The following XRRA1 variants were observed in gnomAD, a reference collection of about 807,000 sequenced individuals.
XRRA1 encodes X-ray radiation resistance-associated protein 1.
A neutral mutation model predicts 80.2 loss-of-function variants in XRRA1; 69 were observed. The ratio of observed to expected loss-of-function variants is 0.86; its 90% CI spans 0.71 to 1.05. The LOEUF (loss-of-function observed/expected upper bound fraction) is 1.05, where lower values mean the gene tolerates loss of function less well. XRRA1 is among the 50% of genes least tolerant of loss of function. The pLI, the probability that XRRA1 is intolerant of heterozygous loss-of-function variation, is 0.00. For synonymous variants in XRRA1, 348 were observed against 389.9 expected (o/e 0.89, Z 1.27); for missense variants, 967 against 976.4 (o/e 0.99, Z 0.13).
At chr11:74,848,569 G>A (rs553636748) in intron 14 of XRRA1, 107 bp from the exon 15 acceptor site, 203 of 980,066 alleles carry the variant, frequency 2.1e-4, no homozygotes, top group African/African-American at 1.9e-3. Flanking sequence ...TGCTGGGTAC[G>A]GACTGAGGCG....
chr11:74,939,837 G>C (rs908390173), intron 3 of XRRA1, among the ~76,000 whole-genome samples: 1 of 128,410 alleles, frequency 7.8e-6, no homozygotes, highest in Non-Finnish European at 1.8e-5. Flanking sequence ...GTGTGAGAGA[G>C]TGACATAGAG....
chr11:74,851,903 G>A (rs920589063), intron 13 of XRRA1, 86 bp downstream of exon 13: 2 of 1,134,658 alleles, frequency 1.8e-6, no homozygotes, highest in Non-Finnish European at 2.7e-6. Context: ...AGATCCCAGG[G>A]CTTGGCATTG....
chr11:74,863,223 TAAAATAC>T (rs2042685665), intron 10 of XRRA1: 2 of 620,970 alleles, frequency 3.2e-6, no homozygotes, highest in Admixed American at 5.4e-5. Context: ...GCACTTAGGA[TAAAATAC>T]AAACTGCTTA....
chr11:74,928,058 G>A (rs139002260), intron 6 of XRRA1, among the ~76,000 whole-genome samples: 1 of 152,262 alleles, frequency 6.6e-6, no homozygotes, highest in Non-Finnish European at 1.5e-5. Flanking sequence ...TATGCCTAAT[G>A]TCTTCTGATG....
chr11:74,893,562 AAAAT>A (rs1379630392), intron 10 of XRRA1, among the ~76,000 whole-genome samples: 6 of 152,074 alleles, frequency 3.9e-5, no homozygotes, highest in African/African-American at 7.2e-5. Context: ...ATAAAAAATA[AAAAT>A]AAATAAAAAA....
chr11:74,921,337 A>C lies in XRRA1; in HGVS notation c.533T>G (p.Leu178Arg). The change falls in exon 8 of 19, where the codon CTT becomes CGT. Residue 178 changes from leucine to arginine, a missense_variant. Leu to Arg is a moderately radical substitution (Grantham distance 102). Transcript: ENST00000684022. Reference sequence around the variant, plus strand: ...CTCCACAGTCAGGCTGTTGAAGGAAAGGTCCAAGAACTGCCATGCAAAGAT... The same window carrying C: ...CTCCACAGTCAGGCTGTTGAAGGAACGGTCCAAGAACTGCCATGCAAAGAT... ...GDFKLLEFLD[L>R]SFNSLTVEAI... 2 of 1,613,956 alleles carry C rather than the reference A, an allele frequency of 1.2e-6. No homozygotes were observed. Among genetic ancestry groups the C allele is most frequent in the Non-Finnish European group, 1.7e-6 (2 of 1,179,858 alleles).
In XRRA1 at chr11:74,844,959, G is replaced by A. The variant is rs372115179; in HGVS notation, c.1927+114C>T. The A allele has an allele frequency of 1.7e-5, 18 of 1,043,346 alleles. No homozygotes were observed. In the African/African-American group the frequency reaches 2.7e-4, roughly 16 times the overall value. 64.6% of individuals were successfully genotyped at this position (1,043,346 alleles called of 1,614,324 possible). A position where few individuals can be genotyped will look rare whatever the true frequency, so the allele number is the denominator to read the frequency against. The stretch of plus-strand genomic sequence containing the variant: ...CCCTTTGACAGGTATTTAGACAGAG[G>A]ACAGCACCCTAGTTGGGAAAAGACA... On this transcript the variant is annotated intron_variant, in intron 16 of 18. Coordinates refer to ENST00000684022, the MANE Select transcript of XRRA1 (RefSeq NM_001378157.1).
chr11:74,865,543 C>T (rs1303785990), intron 10 of XRRA1, among the ~76,000 whole-genome samples: 2 of 152,062 alleles, frequency 1.3e-5, no homozygotes, highest in Non-Finnish European at 2.9e-5. Flanking sequence ...CAGCCTCCAT[C>T]CCACGGCAGA....
chr11:74,856,149 A>C (rs1157291566), intron 12 of XRRA1, among the ~76,000 whole-genome samples: 1 of 152,190 alleles, frequency 6.6e-6, no homozygotes, highest in Non-Finnish European at 1.5e-5. Context: ...ACAACAACAA[A>C]AATCATTCAT....
intron 2 of XRRA1, among the ~76,000 whole-genome samples, 197 bp from the exon 3 acceptor site, chr11:74,941,079 G>A (rs1467271246): frequency 6.6e-6 from 1 of 152,122 alleles, no homozygotes; most frequent in African/African-American, 2.4e-5. Context: ...AAGACCCTGG[G>A]TTTTTCAGTT....
intron 6 of XRRA1, among the ~76,000 whole-genome samples, 199 bp from the exon 7 acceptor site, chr11:74,927,687 C>A (rs1288993279): frequency 1.3e-5 from 2 of 152,112 alleles, no homozygotes; most frequent in Non-Finnish European, 2.9e-5. Context: ...TAAGGCTCAG[C>A]CAAGCTAAGT....
At chr11:74,872,171 A>G (rs1341916484) in intron 10 of XRRA1, among the ~76,000 whole-genome samples, 1 of 152,156 alleles carries the variant, frequency 6.6e-6, no homozygotes, top group African/African-American at 2.4e-5. Flanking sequence ...GGAGAGCCAA[A>G]CCTCTTCATT....
rs1315290513 is a variant in XRRA1, at chr11:74,848,478, G to C, written c.1381-16C>G. ...CGCTTTTCACCTGTCATGGAGAAGG[G>C]CCAGAATGAATTTGCTTCCTAATTA... On this transcript the variant is annotated splice_polypyrimidine_tract_variant and intron_variant, in intron 14 of 18. Transcript: ENST00000684022. 6.3e-7 allele frequency: 1 copy of C among 1,583,630 alleles called. No individual in the cohort carries two copies. The highest frequency in any genetic ancestry group is 8.6e-7 in the Non-Finnish European group (1 of 1,162,798).
intron 7 of XRRA1, among the ~76,000 whole-genome samples, chr11:74,922,732 T>G (rs1393960205): frequency 1.3e-5 from 2 of 152,230 alleles, no homozygotes; most frequent in Non-Finnish European, 2.9e-5. Context: ...CTGTAATAAT[T>G]GATAGCTCTG....
intron 10 of XRRA1, among the ~76,000 whole-genome samples, chr11:74,903,223 A>G (rs2053910186): frequency 6.6e-6 from 1 of 152,190 alleles, no homozygotes; most frequent in Non-Finnish European, 1.5e-5. Context: ...CATCAATCCC[A>G]CTTCTGGGTA....
intron 16 of XRRA1, among the ~76,000 whole-genome samples, chr11:74,844,646 A>G (rs765089893): frequency 5.9e-5 from 9 of 152,336 alleles, no homozygotes; most frequent in Non-Finnish European, 1.0e-4. Flanking sequence ...GGAAGTACTG[A>G]TTAACACAGA....
At position 74,936,913 on chromosome 11, in the gene XRRA1, G is replaced by C. The variant is rs750308920; in HGVS notation, c.250C>G (p.Pro84Ala). The C allele has an allele frequency of 7.4e-6, 12 of 1,613,628 alleles. No individual in the cohort carries two copies. In the South Asian group the frequency reaches 1.3e-4, roughly 18 times the overall value. Residue 84 changes from proline to alanine, a missense_variant, in exon 4 of 19, where the codon CCT becomes GCT. By Grantham distance (27) the Pro-to-Ala change is conservative (BLOSUM62 -1). Transcript: ENST00000684022. Reference sequence around the variant, plus strand: ...AAAGCCTGGTCCAGGATATGTCCAGGAAGGTCCACCTGATTTTCCCGCCGA... The same window carrying C: ...AAAGCCTGGTCCAGGATATGTCCAGCAAGGTCCACCTGATTTTCCCGCCGA... Reference protein sequence around the residue: ...ESRRENQVDLPGHILDQAFLL... With the variant: ...ESRRENQVDLAGHILDQAFLL...
rs763000483 is a variant in XRRA1, at chr11:74,843,327, A to G, written c.2276T>C (p.Val759Ala). The change falls in exon 19 of 19, where the codon GTG (valine) becomes GCG (alanine). Residue 759 changes from valine to alanine, a missense_variant. Val to Ala is a moderately conservative substitution (Grantham distance 64, BLOSUM62 0). Coordinates refer to ENST00000684022, the MANE Select transcript of XRRA1 (RefSeq NM_001378157.1). ...CATGGGGAGCGGGGTAGTCCCGAAC[A>G]CTGTGCGCAGAGAGCCACTCACCAG... ...RQLVSGSLRTVFGTTPLPMAC... is the reference protein window; with the variant it reads ...RQLVSGSLRTAFGTTPLPMAC... 1 of 1,608,368 alleles carries G rather than the reference A, an allele frequency of 6.2e-7. No individual in the cohort carries two copies. The highest frequency in any genetic ancestry group is 8.5e-7 in the Non-Finnish European group (1 of 1,177,570).
intron 10 of XRRA1, among the ~76,000 whole-genome samples, chr11:74,887,601 G>C (rs939149675): frequency 4.6e-5 from 7 of 152,226 alleles, no homozygotes; most frequent in Non-Finnish European, 1.5e-5. Context: ...AGCGCACCGA[G>C]TGTGAGCCAA....
Sources: gnomAD v4.1 joint callset for allele counts (sites outside exome capture counted in the v4.1 genomes callset) on GRCh38, gnomAD v4.1.1 for gene constraint, MANE v1.5 for transcripts, NCBI Gene and HGNC (gene_info 2026-07-23, HGNC 2026-07-21) for gene names.